GOT1: variants seen among roughly 807,000 people sequenced by gnomAD.
The protein encoded by GOT1 is aspartate aminotransferase, cytoplasmic.
A neutral mutation model predicts 48.2 loss-of-function variants in GOT1; 25 were observed. The observed-to-expected ratio is 0.52, with a 90% CI of 0.38 to 0.72. The LOEUF is 0.72. Ranked by LOEUF, GOT1 falls within the 30% of genes least tolerant of loss-of-function variation. GOT1 has a pLI of 0.00. For synonymous variants in GOT1, 188 were observed against 193.8 expected, an observed-to-expected ratio of 0.97 and a Z score of 0.25; for missense variants, 380 against 520.1, an observed-to-expected ratio of 0.73 and a Z score of 2.62.
chr10:99,402,192 C>T (rs74155512), intron 8 of GOT1, among the ~76,000 whole-genome samples: 5,131 of 152,236 alleles, frequency 0.034, 305 homozygotes, highest in African/African-American at 0.12. Context: ...AAAGACCTGT[C>T]AAGAAATCAG....
intron 1 of GOT1, among the ~76,000 whole-genome samples, chr10:99,425,480 G>C (rs1181450208): frequency 2.6e-5 from 4 of 152,192 alleles, no homozygotes; most frequent in African/African-American, 9.7e-5. Context: ...AGTTAAGAAG[G>C]GTGAGTTACT....
At chr10:99,423,453 T>C (rs2032997227) in intron 1 of GOT1, among the ~76,000 whole-genome samples, 2 of 152,300 alleles carry the variant, frequency 1.3e-5, no homozygotes, top group South Asian at 4.1e-4. Context: ...TAAGATCATT[T>C]TGAATGATCA....
Position 99,402,608 on chromosome 10 carries a change from A to C in GOT1, c.1074T>G (p.Ile358Met), listed in dbSNP as rs1443593283. The change falls in exon 8 of 9, where the codon ATT becomes ATG. Residue 358 changes from isoleucine to methionine, a missense_variant. Coordinates refer to ENST00000370508, the MANE Select transcript of GOT1 (RefSeq NM_002079.3). ...PGTWNHITDQIGMFSFTGLNP... is the reference protein window; with the variant it reads ...PGTWNHITDQMGMFSFTGLNP... ...TCAACCCAGTGAAGCTGAACATGCCAATTTGATCAGTGATGTGGTTCCAGG... is the reference window on the plus strand; with the variant it reads ...TCAACCCAGTGAAGCTGAACATGCCCATTTGATCAGTGATGTGGTTCCAGG... 4.3e-6 allele frequency: 7 copies of C among 1,614,072 alleles called. No individual in the cohort carries two copies. Among genetic ancestry groups the C allele is most frequent in the Non-Finnish European group, 5.9e-6 (7 of 1,180,038 alleles).
intron 2 of GOT1, among the ~76,000 whole-genome samples, chr10:99,407,598 A>G (rs1404697924): frequency 6.6e-6 from 1 of 151,690 alleles, no homozygotes; most frequent in East Asian, 1.9e-4. Flanking sequence ...ATGCCCGGCT[A>G]ATTTTTTGTA....
chr10:99,414,580 A>C (rs1302402967), intron 2 of GOT1, among the ~76,000 whole-genome samples: 1 of 152,224 alleles, frequency 6.6e-6, no homozygotes, highest in East Asian at 1.9e-4. Flanking sequence ...TCAGCTCTGC[A>C]TCAAGAGGAC....
chr10:99,426,318 G>A (rs1435059172), intron 1 of GOT1, among the ~76,000 whole-genome samples: 2 of 152,072 alleles, frequency 1.3e-5, no homozygotes, highest in East Asian at 3.9e-4. Flanking sequence ...CAGAAGGAAA[G>A]GAAGAAAGAA....
chr10:99,429,487 A>G (rs978972972), intron 1 of GOT1, among the ~76,000 whole-genome samples: 1 of 150,894 alleles, frequency 6.6e-6, no homozygotes, highest in Non-Finnish European at 1.5e-5. Context: ...TAGTCCTTTT[A>G]TTCTAAGTCT....
rs1589939832 is a variant in GOT1 at position 99,414,358 on chromosome 10, T to G, written c.300+6266A>C. Among the ~76,000 whole-genome samples, 8 of 152,126 alleles carry G rather than the reference T, an allele frequency of 5.3e-5. No individual in the cohort carries two copies. The East Asian group carries it at 9.7e-4, about 18-fold the overall frequency. On this transcript the variant is annotated intron_variant, in intron 2 of 8. Coordinates refer to ENST00000370508, the MANE Select transcript of GOT1 (RefSeq NM_002079.3). The stretch of plus-strand genomic sequence containing the variant: ...GAGATAAAGAAGGCCATTACATAAT[T>G]GTAAAGGGATCAATTCAACAAGAAG...
intron 1 of GOT1, 72 bp downstream of exon 1, chr10:99,430,376 C>T: frequency 6.2e-7 from 1 of 1,607,456 alleles, no homozygotes; most frequent in Non-Finnish European, 8.5e-7. Flanking sequence ...GCTTCTCCCA[C>T]AGTCTCCACG....
At position 99,420,956 on chromosome 10, in the gene GOT1, C is replaced by T. The variant is rs2032958018; in HGVS notation, c.119-151G>A. 2.7e-5 allele frequency: 18 copies of T among 654,918 alleles called. No individual in the cohort carries two copies. In the South Asian group the frequency reaches 3.0e-4, roughly 11 times the overall value. The allele number at this position is 654,918 out of a possible 1,614,324, so 40.6% of individuals were successfully genotyped here. A position where few individuals can be genotyped will look rare whatever the true frequency, so the allele number is the denominator to read the frequency against. On this transcript the variant is annotated intron_variant, in intron 1 of 8. Coordinates refer to ENST00000370508, the MANE Select transcript of GOT1 (RefSeq NM_002079.3). ...GAAAAGTTTGTTCACTTACTGAGTA[C>T]CTAATTTGAGCCAAGCATTGGGCTA...
intron 8 of GOT1, among the ~76,000 whole-genome samples, chr10:99,399,049 C>T (rs1343378539): frequency 6.6e-6 from 1 of 152,128 alleles, no homozygotes; most frequent in Non-Finnish European, 1.5e-5. Flanking sequence ...TAGTTCACCC[C>T]AAAATATACT....
chr10:99,414,679 A>G (rs2032871678), intron 2 of GOT1, among the ~76,000 whole-genome samples: 1 of 152,214 alleles, frequency 6.6e-6, no homozygotes, highest in Non-Finnish European at 1.5e-5. Context: ...AAAATTGACC[A>G]CATAGTTGGA....
intron 1 of GOT1, among the ~76,000 whole-genome samples, chr10:99,425,104 C>T (rs926511351): frequency 1.3e-5 from 2 of 152,070 alleles, no homozygotes; most frequent in Non-Finnish European, 2.9e-5. Context: ...TAGATAGAGC[C>T]TTTAATTCTA....
Position 99,397,608 on chromosome 10 carries a change from G to A in GOT1, c.1181C>T (p.Thr394Ile). Residue 394 changes from threonine (T) to isoleucine (I), a missense_variant, in exon 9 of 9, where the codon ACC becomes ATC. Coordinates refer to ENST00000370508, the MANE Select transcript of GOT1 (RefSeq NM_002079.3). This position sits in a 1 kb window ranked among gnomAD's most constrained non-coding sequence, Gnocchi z 5.4. ...PSGRINVSGL[T>I]TKNLDYVATS... Reference sequence around the variant, plus strand: ...GGCCACGTAATCTAGATTTTTGGTGGTTAAGCCACTCACGTTGATTCGACC... The same window carrying A: ...GGCCACGTAATCTAGATTTTTGGTGATTAAGCCACTCACGTTGATTCGACC... 5 of 1,614,074 alleles carry A rather than the reference G, an allele frequency of 3.1e-6. No individual in the cohort carries two copies. The highest frequency in any genetic ancestry group is 3.4e-6 in the Non-Finnish European group (4 of 1,179,964).
At chr10:99,412,327 G>C (rs2032836996) in intron 2 of GOT1, among the ~76,000 whole-genome samples, 1 of 151,760 alleles carries the variant, frequency 6.6e-6, no homozygotes, top group African/African-American at 2.4e-5. Flanking sequence ...CAATGGGGGA[G>C]CTATGGGCGG....
chr10:99,400,412 G>A (rs781194306), intron 8 of GOT1, among the ~76,000 whole-genome samples: 11 of 150,608 alleles, frequency 7.3e-5, no homozygotes, highest in South Asian at 2.1e-4. Context: ...TTGGGAGACC[G>A]AGGCGGGCAG....
chr10:99,405,572 A>G (rs1260025051), intron 5 of GOT1, among the ~76,000 whole-genome samples, 184 bp downstream of exon 5: 1 of 149,700 alleles, frequency 6.7e-6, no homozygotes, highest in Non-Finnish European at 1.5e-5. Flanking sequence ...CTGACATTCT[A>G]TCTACCAAAA....
intron 2 of GOT1, among the ~76,000 whole-genome samples, chr10:99,407,268 T>C (rs1283485951): frequency 6.6e-6 from 1 of 152,074 alleles, no homozygotes; most frequent in East Asian, 1.9e-4. Context: ...AGATCAAACT[T>C]ACCCTCTAGC....
At chr10:99,403,129 G>A (rs969515065) in intron 7 of GOT1, among the ~76,000 whole-genome samples, 2 of 152,094 alleles carry the variant, frequency 1.3e-5, no homozygotes, top group Non-Finnish European at 2.9e-5. Flanking sequence ...TAAAAACCAA[G>A]AGCTCCCAAA....
Sources: allele counts gnomAD v4.1 joint callset (sites outside exome capture counted in the v4.1 genomes callset), GRCh38; gene constraint gnomAD v4.1.1; non-coding constraint Gnocchi (gnomAD v3.1); transcripts MANE v1.5; gene names NCBI Gene and HGNC (gene_info 2026-07-23, HGNC 2026-07-21).